The following PKD1L3 variants were observed in gnomAD, a reference collection of about 807,000 sequenced individuals.
PKD1L3 encodes the protein polycystin-1-like protein 3.
A neutral mutation model predicts 184.1 loss-of-function variants in PKD1L3; 239 were observed. The observed-to-expected ratio is 1.30, with a 90% CI of 1.17 to 1.45. The LOEUF (loss-of-function observed/expected upper bound fraction) is 1.45, where lower values mean the gene tolerates loss of function less well. Among genes scored for constraint, PKD1L3 ranks in the 40% most tolerant of loss-of-function variants. The probability of loss-of-function intolerance (pLI) is 0.00; values close to 1 mark genes in which losing one functional copy is unlikely to be tolerated. For synonymous variants in PKD1L3, 996 were observed against 778.8 expected, an observed-to-expected ratio of 1.28 and a Z score of -4.64; for missense variants, 2,660 against 2,067.2, an observed-to-expected ratio of 1.29 and a Z score of -5.56.
Position 71,950,005 on chromosome 16 carries a change from A to G in PKD1L3, c.3396T>C (p.Ser1132=), listed in dbSNP as rs368490264. 7.3e-5 allele frequency: 114 copies of G among 1,551,186 alleles called. No homozygotes were observed. The African/African-American group carries it at 1.4e-3, about 19-fold the overall frequency. Residue 1132 remains serine (S), a synonymous_variant, in exon 21 of 30, where the codon AGT becomes AGC. Coordinates refer to ENST00000620267, the MANE Select transcript of PKD1L3 (RefSeq NM_181536.2). ...TEQEPSREVT[S]FAILSSEEGK... ...CTTCTTCTGAGCTCAGGATGGCAAA[A>G]CTGGTGACTTCCCTGAAGCACAAAA...
intron 18 of PKD1L3, 33 bp from the exon 19 acceptor site, chr16:71,951,777 T>A: frequency 6.6e-7 from 1 of 1,524,376 alleles, no homozygotes; most frequent in Non-Finnish European, 8.9e-7. Flanking sequence ...AAAATCAGCC[T>A]GTTTTTCATT....
At chr16:71,952,850 C>G (rs1402503890) in intron 18 of PKD1L3, 44 bp downstream of exon 18, 1 of 1,506,652 alleles carries the variant, frequency 6.6e-7, no homozygotes, top group Non-Finnish European at 8.9e-7. Context: ...AACAAACAAG[C>G]AGGCAATAAA....
intron 3 of PKD1L3, among the ~76,000 whole-genome samples, chr16:71,992,875 A>G (rs1359035563): frequency 6.6e-6 from 1 of 152,248 alleles, no homozygotes; most frequent in Non-Finnish European, 1.5e-5. Context: ...CTTCCCAAAT[A>G]GTACTTGTTT....
intron 24 of PKD1L3, among the ~76,000 whole-genome samples, chr16:71,938,950 C>G (rs1469586831): frequency 3.3e-5 from 5 of 152,216 alleles, no homozygotes; most frequent in African/African-American, 1.2e-4. Flanking sequence ...GAAACACACC[C>G]CCTTGCTTGC....
Position 71,969,967 on chromosome 16 carries a change from G to C in PKD1L3, c.2092C>G (p.Pro698Ala). 1 of 1,551,794 alleles carries C rather than the reference G, an allele frequency of 6.4e-7. No individual in the cohort carries two copies. The highest frequency in any genetic ancestry group is 8.7e-7 in the Non-Finnish European group (1 of 1,147,014). Residue 698 changes from proline to alanine, a missense_variant, in exon 13 of 30, where the codon CCT (proline) becomes GCT (alanine). Pro to Ala is a conservative substitution (Grantham distance 27). Coordinates refer to ENST00000620267, the MANE Select transcript of PKD1L3 (RefSeq NM_181536.2). ...CTGGCCAGCAGTGACACCCCAACAG[G>C]ATTGTTGGTCACGCGAAGGAACAGT... ...IKLFLRVTNN[P>A]VGVSLLASLL...
chr16:71,998,503 T>G, intron 1 of PKD1L3, 109 bp from the exon 2 acceptor site: 1 of 1,388,086 alleles, frequency 7.2e-7, no homozygotes, highest in South Asian at 1.5e-5. Flanking sequence ...CAAGCTGGAG[T>G]GCAGTGGTGT....
At chr16:71,945,266 C>CTATATATATATATA (rs60469321) in intron 22 of PKD1L3, among the ~76,000 whole-genome samples, 3 of 63,948 alleles carry the variant, frequency 4.7e-5, no homozygotes, top group Non-Finnish European at 9.0e-5. Flanking sequence ...AATTTCTTAA[C>CTATATATATATATA]TATATATATA....
At chr16:71,996,506 C>T (rs1000000653) in intron 2 of PKD1L3, among the ~76,000 whole-genome samples, 1 of 152,046 alleles carries the variant, frequency 6.6e-6, no homozygotes, top group Non-Finnish European at 1.5e-5. Flanking sequence ...GTGATCCACC[C>T]GCCTTGGCCT....
rs375640939 is a variant in PKD1L3 at position 71,973,445 on chromosome 16, A to G, written c.1832T>C (p.Val611Ala). The change falls in exon 12 of 30, where the codon GTG (valine) becomes GCG (alanine). Residue 611 changes from valine to alanine, a missense_variant. Transcript: ENST00000620267. ...AGCACCCTCCTGCCTCTCACTCAGC[A>G]CAGCTGTTATATAGTAGGTGCCAAT... ...HGIGTYYITA[V>A]LSERQEGAQQ... is the part of the protein sequence containing the mutation. 1.9e-6 allele frequency: 3 copies of G among 1,551,822 alleles called. No homozygotes were observed. The highest frequency in any genetic ancestry group is 2.4e-5 in the South Asian group (2 of 84,058).
chr16:71,955,790 A>T (rs1234056248), intron 16 of PKD1L3, among the ~76,000 whole-genome samples: 1 of 152,036 alleles, frequency 6.6e-6, no homozygotes, highest in Non-Finnish European at 1.5e-5. Context: ...GCGAGTTCTC[A>T]CAAGACCTGA....
At chr16:71,967,424 T>C (rs1280679343) in intron 14 of PKD1L3, 109 bp from the exon 15 acceptor site, 1 of 1,092,154 alleles carries the variant, frequency 9.2e-7, no homozygotes, top group Non-Finnish European at 1.3e-6. Context: ...ATCAAGTCTT[T>C]CGGATCTTAG....
At chr16:71,985,863 G>A (rs2040339384) in intron 5 of PKD1L3, among the ~76,000 whole-genome samples, 1 of 152,170 alleles carries the variant, frequency 6.6e-6, no homozygotes, top group Non-Finnish European at 1.5e-5. Flanking sequence ...AGTGAGCCTG[G>A]CTGCCTTGTC....
chr16:71,950,778 G>C (rs888109298), intron 19 of PKD1L3, among the ~76,000 whole-genome samples: 3 of 146,346 alleles, frequency 2.0e-5, no homozygotes, highest in Non-Finnish European at 3.0e-5. Context: ...CTGTCGTCCA[G>C]GCTGAGTGTA....
At chr16:71,974,134 A>G (rs938413093) in intron 11 of PKD1L3, among the ~76,000 whole-genome samples, 1 of 152,230 alleles carries the variant, frequency 6.6e-6, no homozygotes, top group Non-Finnish European at 1.5e-5. Flanking sequence ...TAGAAGACTA[A>G]GGTAACAAAC....
chr16:71,947,431 G>A, intron 22 of PKD1L3, 61 bp downstream of exon 22: 3 of 1,077,792 alleles, frequency 2.8e-6, no homozygotes, highest in Admixed American at 2.0e-5. Context: ...GAGTCAGCAA[G>A]GTGGCCAGAT....
rs71153681 is a variant in PKD1L3, at chr16:71,932,780, CTTTTTTTTT to C, written c.4926+631_4926+639del. On this transcript the variant is annotated intron_variant, in intron 28 of 29. Transcript: ENST00000620267. ...ATAGGCATGAGCCACCGCACCTGGC[CTTTTTTTTT>C]TTTTTTTTTTTTTTTTAATTTAAAT... 8.2e-5 allele frequency among the ~76,000 whole-genome samples: 8 copies of C among 97,090 alleles called. No homozygotes were observed. In the East Asian group the frequency reaches 9.0e-4, roughly 11 times the overall value. The allele number at this position is 97,090 out of a possible 152,430, so 63.7% of individuals were successfully genotyped here.
rs1391079021 is a variant in PKD1L3, at chr16:71,986,485, A to G, written c.586-16T>C. 6.5e-7 allele frequency: 1 copy of G among 1,543,278 alleles called. No individual in the cohort carries two copies. Among genetic ancestry groups the G allele is most frequent in the South Asian group, 1.2e-5 (1 of 82,992 alleles). On this transcript the variant is annotated splice_polypyrimidine_tract_variant and intron_variant, in intron 4 of 29. Transcript: ENST00000620267. ...GGGTCTTGGACTAAAAGATAAAAATATGTAAAGGAAAAGACTGAATCTGAT... is the reference window on the plus strand; with the variant it reads ...GGGTCTTGGACTAAAAGATAAAAATGTGTAAAGGAAAAGACTGAATCTGAT...
At chr16:71,966,798 T>C (rs190874074) in intron 15 of PKD1L3, among the ~76,000 whole-genome samples, 1 of 152,202 alleles carries the variant, frequency 6.6e-6, no homozygotes, top group Non-Finnish European at 1.5e-5. Context: ...AGTTAGTCTT[T>C]AAGGATATTT....
rs1254195865 is a variant in PKD1L3 at position 71,954,299 on chromosome 16, T to C, written c.2615A>G (p.His872Arg). 3 of 1,529,492 alleles carry C rather than the reference T, an allele frequency of 2.0e-6. No individual in the cohort carries two copies. Among genetic ancestry groups the C allele is most frequent in the East Asian group, 2.5e-5 (1 of 40,448 alleles). 94.7% of individuals were successfully genotyped at this position (1,529,492 alleles called of 1,614,324 possible). The change falls in exon 17 of 30, where the codon CAT becomes CGT. Residue 872 changes from histidine (H) to arginine (R), a missense_variant and splice_region_variant. Transcript: ENST00000620267. ...TTCCACAATCATGGAGGAAAACAGA[T>C]GTCTGAAAAGAGAAATCAGAAGAGG... Reference protein sequence around the residue: ...VSKRELFSFRHLFSSMIVEKF... With the variant: ...VSKRELFSFRRLFSSMIVEKF...
Sources: allele counts gnomAD v4.1 joint callset (sites outside exome capture counted in the v4.1 genomes callset), GRCh38; gene constraint gnomAD v4.1.1; transcripts MANE v1.5; gene names NCBI Gene and HGNC (gene_info 2026-07-23, HGNC 2026-07-21).